The following BRINP3 variants were observed in gnomAD, a reference collection of about 807,000 sequenced individuals.
BRINP3 encodes BMP/retinoic acid-inducible neural-specific protein 3.
In BRINP3, 19 loss-of-function variants were observed where a neutral mutation model predicts 71.0. The ratio of observed to expected loss-of-function variants is 0.27; its 90% CI spans 0.19 to 0.39. The LOEUF is 0.39. Ranked by LOEUF, BRINP3 falls within the 10% of genes least tolerant of loss-of-function variation. BRINP3 has a pLI of 1.00. For missense variants in BRINP3, 959 were observed against 940.8 expected (o/e 1.02, Z -0.25); for synonymous variants, 380 against 337.7 (o/e 1.13, Z -1.37).
intron 2 of BRINP3, among the ~76,000 whole-genome samples, chr1:190,354,218 T>A (rs898025988): frequency 6.6e-5 from 10 of 152,114 alleles, no homozygotes; most frequent in Non-Finnish European, 8.8e-5. Context: ...ATTCTAATGC[T>A]TTCTCTTAGT....
intron 7 of BRINP3, among the ~76,000 whole-genome samples, chr1:190,144,766 A>C (rs1251136991): frequency 6.6e-6 from 1 of 152,010 alleles, no homozygotes; most frequent in African/African-American, 2.4e-5. Flanking sequence ...GTCATCCCCA[A>C]TAACTCTTTG....
At chr1:190,346,358 C>A (rs1668020944) in intron 2 of BRINP3, among the ~76,000 whole-genome samples, 1 of 152,052 alleles carries the variant, frequency 6.6e-6, no homozygotes, top group South Asian at 2.1e-4. Context: ...AAACTGAAGG[C>A]AAGTGCTTTG....
chr1:190,344,794 CT>C (rs1383824412), intron 2 of BRINP3, among the ~76,000 whole-genome samples: 1 of 151,706 alleles, frequency 6.6e-6, no homozygotes, highest in African/African-American at 2.4e-5. Context: ...TAAATTATTG[CT>C]AGTCAGAGTA....
intron 6 of BRINP3, among the ~76,000 whole-genome samples, chr1:190,212,337 T>G (rs1656058490): frequency 6.6e-6 from 1 of 152,094 alleles, no homozygotes; most frequent in Non-Finnish European, 1.5e-5. Flanking sequence ...AATGCTTCCT[T>G]CTAGTAAAGC....
chr1:190,443,571 C>CA, intron 2 of BRINP3, among the ~76,000 whole-genome samples: 1 of 152,218 alleles, frequency 6.6e-6, no homozygotes, highest in African/African-American at 2.4e-5. Flanking sequence ...AAAGTTGAAA[C>CA]AGAACCAGGC....
chr1:190,363,110 G>A (rs1571864061), intron 2 of BRINP3, among the ~76,000 whole-genome samples: 1 of 152,152 alleles, frequency 6.6e-6, no homozygotes, highest in South Asian at 2.1e-4. Context: ...AAGGAAGAAT[G>A]ACTGATGTTT....
intron 6 of BRINP3, among the ~76,000 whole-genome samples, chr1:190,212,456 T>A (rs566693466): frequency 1.7e-4 from 26 of 152,234 alleles, no homozygotes; most frequent in Non-Finnish European, 2.6e-4. Context: ...TTCCCGCAAG[T>A]ATAGAAGACT....
At chr1:190,262,619 C>A (rs942095312) in intron 4 of BRINP3, among the ~76,000 whole-genome samples, 3 of 152,176 alleles carry the variant, frequency 2.0e-5, no homozygotes, top group Non-Finnish European at 2.9e-5. Flanking sequence ...TTATTATGAG[C>A]ACTGGAACTC....
At chr1:190,351,318 T>C (rs572121090) in intron 2 of BRINP3, among the ~76,000 whole-genome samples, 1 of 152,232 alleles carries the variant, frequency 6.6e-6, no homozygotes, top group African/African-American at 2.4e-5. Flanking sequence ...ACTAGAAAGA[T>C]TGCTAACATA....
At chr1:190,228,293 G>C (rs1657596375) in intron 5 of BRINP3, among the ~76,000 whole-genome samples, 1 of 151,636 alleles carries the variant, frequency 6.6e-6, no homozygotes, top group African/African-American at 2.4e-5. Context: ...TCAGGAATCA[G>C]TATATATTTA....
chr1:190,277,617 A>G (rs1243490253), intron 3 of BRINP3, among the ~76,000 whole-genome samples: 4 of 151,724 alleles, frequency 2.6e-5, no homozygotes, highest in African/African-American at 9.7e-5. Context: ...AAAGCCCACC[A>G]ATTTTAAAGT....
chr1:190,257,419 C>T (rs959600235), intron 4 of BRINP3, among the ~76,000 whole-genome samples: 31 of 152,136 alleles, frequency 2.0e-4, no homozygotes, highest in African/African-American at 6.7e-4. Context: ...AGCTTCCTTG[C>T]GATGGGTTCG....
intron 4 of BRINP3, among the ~76,000 whole-genome samples, chr1:190,244,044 A>G (rs1659352808): frequency 6.6e-6 from 1 of 152,066 alleles, no homozygotes; most frequent in Admixed American, 6.6e-5. Context: ...TCCACATTAC[A>G]GTGAATTGTA....
chr1:190,201,300 A>G (rs1654984552), intron 6 of BRINP3, among the ~76,000 whole-genome samples: 1 of 152,284 alleles, frequency 6.6e-6, no homozygotes, highest in Non-Finnish European at 1.5e-5. Context: ...TGAGCTCGAG[A>G]GAGATGATTT....
intron 4 of BRINP3, among the ~76,000 whole-genome samples, chr1:190,238,509 T>C (rs955280948): frequency 1.3e-5 from 2 of 152,136 alleles, no homozygotes; most frequent in Admixed American, 6.6e-5. Context: ...AAAAAAGATA[T>C]ATAAACATCC....
Position 190,436,213 on chromosome 1 carries a change from G to T in BRINP3, c.236+18442C>A, listed in dbSNP as rs551988722. ...TATTTTAACATATGCTTAAATATGA[G>T]GACATCATTTGGCCTAGTTAGATAT... On this transcript the variant is annotated intron_variant, in intron 2 of 7. Transcript: ENST00000367462. Among the ~76,000 whole-genome samples, 340 of 151,898 alleles carry T rather than the reference G, an allele frequency of 2.2e-3. 1 individual carries two copies. Among genetic ancestry groups the T allele is most frequent in the Non-Finnish European group, 3.6e-3 (247 of 67,796 alleles).
chr1:190,278,888 C>T (rs1005741164), intron 3 of BRINP3, among the ~76,000 whole-genome samples: 3 of 150,642 alleles, frequency 2.0e-5, no homozygotes, highest in African/African-American at 7.3e-5. Flanking sequence ...AAAACAAAAA[C>T]GAATCTTAAG....
At chr1:190,148,821 T>C (rs1025863500) in intron 7 of BRINP3, among the ~76,000 whole-genome samples, 3 of 152,076 alleles carry the variant, frequency 2.0e-5, no homozygotes, top group African/African-American at 4.8e-5. Flanking sequence ...TTACTTAATG[T>C]TTTTTGCATG....
intron 6 of BRINP3, among the ~76,000 whole-genome samples, chr1:190,220,710 A>G (rs1656808229): frequency 1.3e-5 from 2 of 152,092 alleles, no homozygotes; most frequent in Admixed American, 6.6e-5. Flanking sequence ...GAGATAAACT[A>G]TTTCCCAAAT....
Sources: gnomAD v4.1 joint callset for allele counts (sites outside exome capture counted in the v4.1 genomes callset) on GRCh38, gnomAD v4.1.1 for gene constraint, MANE v1.5 for transcripts, NCBI Gene and HGNC (gene_info 2026-07-23, HGNC 2026-07-21) for gene names.